Variants in GALNT7 observed in about 807,000 individuals in gnomAD.
GALNT7 encodes polypeptide N-acetylgalactosaminyltransferase 7.
In GALNT7, 60 loss-of-function variants were observed where a neutral mutation model predicts 82.1. The observed-to-expected ratio is 0.73, with a 90% CI of 0.59 to 0.91. GALNT7 has a LOEUF of 0.91. Among genes scored for constraint, GALNT7 ranks in the 40% least tolerant of loss-of-function variants. GALNT7 has a pLI of 0.00. For synonymous variants in GALNT7, 243 were observed against 275.1 expected, an observed-to-expected ratio of 0.88 and a Z score of 1.15; for missense variants, 660 against 804.2, an observed-to-expected ratio of 0.82 and a Z score of 2.17.
intron 1 of GALNT7, chr4:173,169,486 G>C (rs985820732): frequency 2.0e-5 from 3 of 151,306 alleles, no homozygotes; most frequent in African/African-American, 4.8e-5. Context: ...CGCCCGTCTG[G>C]GGGTGTTCGC....
At chr4:173,268,355 G>C (rs113389522) in intron 2 of GALNT7, 1 of 151,834 alleles carries the variant, frequency 6.6e-6, no homozygotes, top group South Asian at 2.1e-4. Context: ...CTTGTCTCAC[G>C]TGGATTTTCT....
chr4:173,299,375 AAAAT>A (rs1381020569), intron 6 of GALNT7, among the ~76,000 whole-genome samples: 4 of 152,188 alleles, frequency 2.6e-5, no homozygotes, highest in Admixed American at 6.5e-5. Flanking sequence ...TGGGAGAAAA[AAAAT>A]AAAGGGTGCT....
intron 2 of GALNT7, among the ~76,000 whole-genome samples, chr4:173,278,146 G>A (rs185172331): frequency 1.3e-5 from 2 of 152,280 alleles, no homozygotes; most frequent in African/African-American, 4.8e-5. Context: ...CCATCACTAG[G>A]TACCAGCATG....
intron 2 of GALNT7, among the ~76,000 whole-genome samples, chr4:173,273,901 A>C (rs996650402): frequency 2.0e-5 from 3 of 152,228 alleles, no homozygotes; most frequent in Non-Finnish European, 2.9e-5. Flanking sequence ...TTATTTGCTC[A>C]GACTGTTAAG....
intron 1 of GALNT7, among the ~76,000 whole-genome samples, chr4:173,182,762 C>CACAG (rs1248214759): frequency 6.8e-6 from 1 of 146,616 alleles, no homozygotes; most frequent in Non-Finnish European, 1.5e-5. Flanking sequence ...CACACACACA[C>CACAG]ACAGACACAA....
chr4:173,220,262 TTA>T (rs1733601862), intron 1 of GALNT7, among the ~76,000 whole-genome samples: 1 of 152,162 alleles, frequency 6.6e-6, no homozygotes, highest in Non-Finnish European at 1.5e-5. Flanking sequence ...TTTCCCCACT[TTA>T]TGTTTTTGTT....
intron 1 of GALNT7, among the ~76,000 whole-genome samples, chr4:173,242,105 C>CT (rs1734456184): frequency 6.6e-6 from 1 of 152,126 alleles, no homozygotes; most frequent in African/African-American, 2.4e-5. Flanking sequence ...ATTAGAGTTG[C>CT]TGACCTTGAT....
chr4:173,253,506 G>T (rs1451139514), intron 2 of GALNT7, among the ~76,000 whole-genome samples: 1 of 152,158 alleles, frequency 6.6e-6, no homozygotes, highest in Admixed American at 6.5e-5. Context: ...GTAGATTAGG[G>T]GGTGGAGGCC....
chr4:173,237,103 A>G (rs1734258678), intron 1 of GALNT7, among the ~76,000 whole-genome samples: 1 of 152,242 alleles, frequency 6.6e-6, no homozygotes, highest in East Asian at 1.9e-4. Flanking sequence ...ACCCTCCTAA[A>G]ATGGATTTCT....
intron 1 of GALNT7, among the ~76,000 whole-genome samples, chr4:173,177,445 G>A (rs1732083766): frequency 6.6e-6 from 1 of 152,180 alleles, no homozygotes; most frequent in Non-Finnish European, 1.5e-5. Flanking sequence ...AGAGGGTGGT[G>A]TCTGAAGCAC....
chr4:173,206,545 T>C (rs1161029397), intron 1 of GALNT7, among the ~76,000 whole-genome samples: 1 of 152,224 alleles, frequency 6.6e-6, no homozygotes, highest in African/African-American at 2.4e-5. Context: ...GACACAAAAC[T>C]ATTTAGTAGA....
chr4:173,310,664 G>A (rs1475600263), intron 8 of GALNT7, among the ~76,000 whole-genome samples: 1 of 152,100 alleles, frequency 6.6e-6, no homozygotes, highest in East Asian at 1.9e-4. Flanking sequence ...CCTTTATATA[G>A]ATTAACTTCT....
In GALNT7 at chr4:173,204,215, C is replaced by A. The variant is rs1028984362; in HGVS notation, c.126+35254C>A. ...AAGTCTACTGCCAGTCTTTCTGGAA[C>A]TCCCTTATATGTTATTTGCTTCTTT... On this transcript the variant is annotated intron_variant, in intron 1 of 11. Transcript: ENST00000265000. Among the ~76,000 whole-genome samples the A allele has an allele frequency of 3.3e-5, 5 of 152,140 alleles. 1 individual carries two copies. The South Asian group carries it at 1.0e-3, about 32-fold the overall frequency.
chr4:173,250,761 A>G (rs1055221694), intron 2 of GALNT7, among the ~76,000 whole-genome samples: 4 of 152,094 alleles, frequency 2.6e-5, no homozygotes, highest in Admixed American at 2.0e-4. Flanking sequence ...TGTGGCCCTT[A>G]CCCACCTTGC....
intron 1 of GALNT7, among the ~76,000 whole-genome samples, chr4:173,208,014 T>C (rs1561154421): frequency 6.6e-6 from 1 of 152,308 alleles, no homozygotes; most frequent in Non-Finnish European, 1.5e-5. Flanking sequence ...ATTGCCTGTT[T>C]GTTTTTTCCT....
chr4:173,293,595 G>A (rs1736615760), intron 3 of GALNT7, among the ~76,000 whole-genome samples: 1 of 152,180 alleles, frequency 6.6e-6, no homozygotes, highest in Admixed American at 6.5e-5. Context: ...TAGCACTTGG[G>A]TTTCTGGGCA....
At chr4:173,240,773 G>C (rs1012004506) in intron 1 of GALNT7, among the ~76,000 whole-genome samples, 4 of 152,266 alleles carry the variant, frequency 2.6e-5, no homozygotes, top group South Asian at 4.2e-4. Flanking sequence ...AAATAAATCT[G>C]GTGGGAACAA....
intron 1 of GALNT7, among the ~76,000 whole-genome samples, chr4:173,211,939 G>C (rs1340549301): frequency 6.6e-6 from 1 of 152,154 alleles, no homozygotes; most frequent in Non-Finnish European, 1.5e-5. Flanking sequence ...GGATTTTTCA[G>C]GTTAAAATTT....
intron 1 of GALNT7, among the ~76,000 whole-genome samples, chr4:173,213,624 C>T (rs1413252023): frequency 1.3e-5 from 2 of 151,794 alleles, no homozygotes; most frequent in Non-Finnish European, 2.9e-5. Flanking sequence ...AGGCTGTTTG[C>T]ACATATCCTG....
Sources: allele counts gnomAD v4.1 joint callset (sites outside exome capture counted in the v4.1 genomes callset), GRCh38; gene constraint gnomAD v4.1.1; transcripts MANE v1.5; gene names NCBI Gene and HGNC (gene_info 2026-07-23, HGNC 2026-07-21).